The following CELF2 variants were observed in gnomAD, a reference collection of about 807,000 sequenced individuals.
CELF2 encodes the protein CUGBP Elav-like family member 2, also known as CUG triplet repeat RNA-binding protein 2.
CELF2 carries 8 observed loss-of-function variants against 62.6 expected under a neutral mutation model. The observed-to-expected ratio is 0.13, with a 90% CI of 0.07 to 0.23. The LOEUF is 0.23. CELF2 is among the 10% of genes least tolerant of loss of function. The pLI is 1.00. For missense variants in CELF2, 333 were observed against 671.0 expected, an observed-to-expected ratio of 0.50 and a Z score of 5.56; for synonymous variants, 258 against 250.0, an observed-to-expected ratio of 1.03 and a Z score of -0.30.
At chr10:11,018,255 G>C in intron 1 of CELF2, 92 bp downstream of exon 1, 1 of 1,139,836 alleles carries the variant, frequency 8.8e-7, no homozygotes, top group Non-Finnish European at 1.2e-6. Flanking sequence ...CGCAGCTCCC[G>C]GGCGCGACTC....
chr10:10,886,680 TA>T (rs1283359371), intron 1 of CELF2, among the ~76,000 whole-genome samples: 1 of 151,806 alleles, frequency 6.6e-6, no homozygotes, highest in Non-Finnish European at 1.5e-5. Context: ...CTGCAAAAAA[TA>T]AAAAATTAGC....
At chr10:10,858,712 GTA>G (rs2059890979) in intron 1 of CELF2, among the ~76,000 whole-genome samples, 1 of 151,862 alleles carries the variant, frequency 6.6e-6, no homozygotes, top group Admixed American at 6.6e-5. Flanking sequence ...ATGAATGAAA[GTA>G]TGTTGTTGAA....
At chr10:11,175,883 T>C (rs1402996030) in intron 2 of CELF2, among the ~76,000 whole-genome samples, 2 of 152,170 alleles carry the variant, frequency 1.3e-5, no homozygotes, top group African/African-American at 4.8e-5. Flanking sequence ...GAGCAAGCCA[T>C]GTTCTTTGCC....
chr10:10,781,462 T>C, the CELF2 span, among the ~76,000 whole-genome samples: 4 of 151,998 alleles, frequency 2.6e-5, 1 homozygote, highest in Non-Finnish European at 5.9e-5. Flanking sequence ...TGGCAGAAGG[T>C]GAAGGAGGAG....
chr10:10,891,652 AG>A (rs2062151488), intron 1 of CELF2, among the ~76,000 whole-genome samples: 1 of 152,158 alleles, frequency 6.6e-6, no homozygotes, highest in South Asian at 2.1e-4. Context: ...ACTTGACTTC[AG>A]GCCTCGGTTC....
chr10:10,863,524 T>C (rs1488732334), intron 1 of CELF2, among the ~76,000 whole-genome samples: 1 of 152,180 alleles, frequency 6.6e-6, no homozygotes, highest in African/African-American at 2.4e-5. Context: ...ATCTATCAAA[T>C]GGGGCTAGGG....
At chr10:10,641,401 C>T in the CELF2 span, among the ~76,000 whole-genome samples, 70 of 152,226 alleles carry the variant, frequency 4.6e-4, no homozygotes, top group South Asian at 1.7e-3. Context: ...TATTGTTTTT[C>T]TTCCCCTTAC....
At chr10:11,161,971 G>A (rs2065827256) in intron 1 of CELF2, among the ~76,000 whole-genome samples, 1 of 152,210 alleles carries the variant, frequency 6.6e-6, no homozygotes, top group Non-Finnish European at 1.5e-5. Flanking sequence ...AGAATTCAGT[G>A]AGTCTCCGCT....
intron 1 of CELF2, among the ~76,000 whole-genome samples, chr10:11,099,563 A>G (rs748292906): frequency 6.6e-6 from 1 of 152,160 alleles, no homozygotes; most frequent in Non-Finnish European, 1.5e-5. Context: ...AGAATTCCCG[A>G]TTTCCTTCTG....
upstream of CELF2, among the ~76,000 whole-genome samples, chr10:10,796,440 G>A (rs2054145929): frequency 6.6e-6 from 1 of 152,196 alleles, no homozygotes; most frequent in African/African-American, 2.4e-5. Context: ...TGAAAAGACA[G>A]CTGCTTTAAA....
the CELF2 span, among the ~76,000 whole-genome samples, chr10:10,541,279 G>A: frequency 6.7e-5 from 10 of 148,738 alleles, no homozygotes; most frequent in South Asian, 6.4e-4. Flanking sequence ...CACATATAAA[G>A]GCTCTCTGGA....
intron 1 of CELF2, among the ~76,000 whole-genome samples, chr10:10,894,806 G>T (rs2062420442): frequency 6.6e-6 from 1 of 152,174 alleles, no homozygotes; most frequent in Non-Finnish European, 1.5e-5. Context: ...TCACTCTGTT[G>T]ATGGGCACAC....
chr10:10,515,986 GTAA>G, the CELF2 span, among the ~76,000 whole-genome samples: 1 of 152,288 alleles, frequency 6.6e-6, no homozygotes, highest in Non-Finnish European at 1.5e-5. Context: ...AGAGACGGTA[GTAA>G]TAACCAGCTC....
At position 10,919,556 on chromosome 10, in the gene CELF2, A is replaced by G. The variant is rs11256912; in HGVS notation, c.54-408A>G. Among the ~76,000 whole-genome samples the G allele has an allele frequency of 4.8e-3, 729 of 152,366 alleles. 7 individuals are homozygous for G. Among genetic ancestry groups the G allele is most frequent in the African/African-American group, 0.017 (689 of 41,588 alleles). Reference sequence around the variant, plus strand: ...GTGACAGAGGTCAACATGAAGCAACATCCCCAAAGGAATACATTTCTCAGA... The same window carrying G: ...GTGACAGAGGTCAACATGAAGCAACGTCCCCAAAGGAATACATTTCTCAGA... On this transcript the variant is annotated intron_variant, in intron 1 of 13. Transcript: ENST00000636488.
chr10:11,220,084 A>G lies in CELF2; in HGVS notation c.354+2577A>G, dbSNP rs1186446663. ...TTCTTTCTGAATAAAACTAAAAGTGATAAAGAAAAAATACATCACCAGCTG... is the reference window on the plus strand; with the variant it reads ...TTCTTTCTGAATAAAACTAAAAGTGGTAAAGAAAAAATACATCACCAGCTG... On this transcript the variant is annotated intron_variant, in intron 3 of 12. Coordinates refer to ENST00000633077, the MANE Select transcript of CELF2 (RefSeq NM_001326342.2). The surrounding 1 kb of genome is among the most constrained non-coding windows in gnomAD (Gnocchi z 4.4). Among the ~76,000 whole-genome samples the G allele has an allele frequency of 6.6e-6, 1 of 152,254 alleles. No homozygotes were observed.
At chr10:10,468,539 C>A in the CELF2 span, among the ~76,000 whole-genome samples, 1 of 151,892 alleles carries the variant, frequency 6.6e-6, no homozygotes, top group African/African-American at 2.4e-5. Flanking sequence ...GTTTTGGCAC[C>A]CATTGAGTGG....
the CELF2 span, among the ~76,000 whole-genome samples, chr10:10,656,836 G>A: frequency 7.1e-6 from 1 of 141,460 alleles, no homozygotes; most frequent in African/African-American, 2.7e-5. Context: ...CTAACCTGCA[G>A]AATGTGCACA....
chr10:11,250,056 A>G (rs1289984179), intron 4 of CELF2, among the ~76,000 whole-genome samples: 7 of 152,258 alleles, frequency 4.6e-5, no homozygotes, highest in Non-Finnish European at 1.0e-4. Context: ...ACGTATCTGC[A>G]AATGTAAATT....
At chr10:10,842,938 G>C (rs1211754643) in intron 1 of CELF2, among the ~76,000 whole-genome samples, 1 of 152,004 alleles carries the variant, frequency 6.6e-6, no homozygotes, top group African/African-American at 2.4e-5. Flanking sequence ...TCTTTGGGAG[G>C]TGGAGGAAGA....
Sources: allele counts gnomAD v4.1 joint callset (sites outside exome capture counted in the v4.1 genomes callset), GRCh38; gene constraint gnomAD v4.1.1; non-coding constraint Gnocchi (gnomAD v3.1); transcripts MANE v1.5; gene names NCBI Gene and HGNC (gene_info 2026-07-23, HGNC 2026-07-21).